The following IQGAP2 variants were observed in gnomAD, a reference collection of about 807,000 sequenced individuals.
IQGAP2 encodes the protein IQ motif containing GTPase activating protein 2, also known as ras GTPase-activating-like protein IQGAP2.
Under a neutral mutation model 201.3 loss-of-function variants are expected in IQGAP2, and 173 were observed. The observed-to-expected ratio is 0.86, with a 90% CI of 0.76 to 0.98. The LOEUF (loss-of-function observed/expected upper bound fraction) is 0.98. Among genes scored for constraint, IQGAP2 ranks in the 50% least tolerant of loss-of-function variants. The probability of loss-of-function intolerance (pLI) is 0.00; values close to 1 mark genes in which losing one functional copy is unlikely to be tolerated. For missense variants in IQGAP2, 1,687 were observed against 1,864.8 expected (o/e 0.90, Z 1.76); for synonymous variants, 675 against 673.9 (o/e 1.00, Z -0.03).
chr5:76,475,686 G>C (rs1416794496), intron 2 of IQGAP2, among the ~76,000 whole-genome samples: 1 of 152,012 alleles, frequency 6.6e-6, no homozygotes, highest in Non-Finnish European at 1.5e-5. Flanking sequence ...TTCCTTTTCT[G>C]CCCCCCTCCC....
intron 8 of IQGAP2, among the ~76,000 whole-genome samples, chr5:76,590,822 C>G (rs560524139): frequency 6.6e-6 from 1 of 152,300 alleles, no homozygotes; most frequent in South Asian, 2.1e-4. Context: ...CATGGTGGCT[C>G]ATGCCTATAA....
intron 1 of IQGAP2, among the ~76,000 whole-genome samples, chr5:76,418,281 ATCTT>A (rs1034023693): frequency 3.3e-5 from 5 of 151,252 alleles, no homozygotes; most frequent in African/African-American, 1.2e-4. Context: ...TGGTAGCACT[ATCTT>A]TGAGACGTAA....
chr5:76,666,184 C>T (rs1046644106), intron 22 of IQGAP2, among the ~76,000 whole-genome samples: 1 of 152,208 alleles, frequency 6.6e-6, no homozygotes, highest in African/African-American at 2.4e-5. Context: ...AACATACGAA[C>T]ATCTTCACAC....
intron 2 of IQGAP2, among the ~76,000 whole-genome samples, chr5:76,486,829 A>G (rs984225306): frequency 6.6e-6 from 1 of 152,140 alleles, no homozygotes; most frequent in Admixed American, 6.5e-5. Context: ...GCTCAGTTAT[A>G]AGTAATAAGT....
At chr5:76,431,936 A>C (rs561454775) in intron 1 of IQGAP2, among the ~76,000 whole-genome samples, 1 of 151,616 alleles carries the variant, frequency 6.6e-6, no homozygotes, top group Non-Finnish European at 1.5e-5. Context: ...TGATCTTTTT[A>C]TAATGGTTTT....
chr5:76,676,101 A>T (rs1744792269), intron 27 of IQGAP2, among the ~76,000 whole-genome samples: 1 of 151,598 alleles, frequency 6.6e-6, no homozygotes. Flanking sequence ...ACACACACAC[A>T]CACACACACA....
In IQGAP2 at chr5:76,641,102, A is replaced by C; in HGVS notation, c.2093A>C (p.Gln698Pro). 1 of 1,590,486 alleles carries C rather than the reference A, an allele frequency of 6.3e-7. No homozygotes were observed. The highest frequency in any genetic ancestry group is 8.6e-7 in the Non-Finnish European group (1 of 1,161,688). ...HEQEENVVKI[Q>P]AFWKGYKQRK... ...CAAGAAGAGAATGTGGTCAAAATAC[A>C]GGTATGTGGATCACCTGCCACTGTT... is the stretch of plus-strand genomic sequence containing the variant. Residue 698 changes from glutamine to proline, a missense_variant and splice_region_variant, in exon 17 of 36, where the codon CAG (glutamine) becomes CCG (proline). Gln to Pro is a moderately conservative substitution (Grantham distance 76). Coordinates refer to ENST00000274364, the MANE Select transcript of IQGAP2 (RefSeq NM_006633.5).
intron 22 of IQGAP2, among the ~76,000 whole-genome samples, chr5:76,667,734 A>G (rs897605812): frequency 2.8e-4 from 42 of 152,288 alleles, no homozygotes; most frequent in African/African-American, 1.0e-3. Context: ...CACTCTGTGT[A>G]GAACATTGTG....
intron 3 of IQGAP2, among the ~76,000 whole-genome samples, chr5:76,567,188 C>T (rs181302870): frequency 6.6e-6 from 1 of 152,174 alleles, no homozygotes; most frequent in Non-Finnish European, 1.5e-5. Context: ...GCTCTCTGAG[C>T]CTCAGTTTCC....
chr5:76,555,608 C>T (rs1049062949), intron 2 of IQGAP2, among the ~76,000 whole-genome samples: 13 of 152,188 alleles, frequency 8.5e-5, no homozygotes, highest in Admixed American at 5.9e-4. Flanking sequence ...CCCCTGAAAC[C>T]GAGGCTGGCA....
chr5:76,623,267 A>G lies in IQGAP2; in HGVS notation c.1522-4143A>G, dbSNP rs550954885. 7 of 1,608,960 alleles carry G rather than the reference A, an allele frequency of 4.4e-6. No homozygotes were observed. The South Asian group carries it at 7.7e-5, about 18-fold the overall frequency. On this transcript the variant is annotated intron_variant, in intron 13 of 35. Coordinates refer to ENST00000274364, the MANE Select transcript of IQGAP2 (RefSeq NM_006633.5). ...GAGTCCCGTCTCTTAAACGTTATGAAATCTGTAAAATCATGGAGCACAATT... is the reference window on the plus strand; with the variant it reads ...GAGTCCCGTCTCTTAAACGTTATGAGATCTGTAAAATCATGGAGCACAATT...
intron 23 of IQGAP2, 68 bp from the exon 24 acceptor site, chr5:76,671,689 GAA>G (rs34357630): frequency 0.15 from 115,726 of 788,958 alleles, 46 homozygotes; most frequent in South Asian, 0.17. Context: ...CTGTCTCGGG[GAA>G]AAAAAAAAAA....
chr5:76,403,729 G>C lies in IQGAP2; in HGVS notation c.46+138G>C. The C allele has an allele frequency of 1.5e-6, 1 of 646,152 alleles. No homozygotes were observed. The highest frequency in any genetic ancestry group is 2.6e-5 in the South Asian group (1 of 38,640). 40.0% of individuals were successfully genotyped at this position (646,152 alleles called of 1,614,324 possible). Reference sequence around the variant, plus strand: ...CAGCAACTGCGCGGCTGGCAAAGTTGGGAGCTGGAGTTGCAAAGGGCAGTG... The same window carrying C: ...CAGCAACTGCGCGGCTGGCAAAGTTCGGAGCTGGAGTTGCAAAGGGCAGTG... On this transcript the variant is annotated intron_variant, in intron 1 of 35. Coordinates refer to ENST00000274364, the MANE Select transcript of IQGAP2 (RefSeq NM_006633.5). This position sits in a 1 kb window ranked among gnomAD's most constrained non-coding sequence, Gnocchi z 4.8.
chr5:76,411,259 G>A (rs1413368003), intron 1 of IQGAP2, among the ~76,000 whole-genome samples: 1 of 152,202 alleles, frequency 6.6e-6, no homozygotes, highest in East Asian at 1.9e-4. Flanking sequence ...AAACACATGG[G>A]TATGTTATGG....
At chr5:76,586,764 G>C (rs866646625) in intron 5 of IQGAP2, among the ~76,000 whole-genome samples, 10 of 152,350 alleles carry the variant, frequency 6.6e-5, no homozygotes, top group Middle Eastern at 3.4e-3. Context: ...AGCTGGGATA[G>C]CCAGCATGCT....
rs1237209665 is a variant in IQGAP2, at chr5:76,484,063, A to T, written c.146+22394A>T. ...TTGAGGGCGGAGACTCTCATTGTTC[A>T]TTTTTTTTTTTCCTGTCCAGCAGGT... On this transcript the variant is annotated intron_variant, in intron 2 of 35. Coordinates refer to ENST00000274364, the MANE Select transcript of IQGAP2 (RefSeq NM_006633.5). Among the ~76,000 whole-genome samples the T allele has an allele frequency of 1.1e-4, 16 of 144,844 alleles. No individual in the cohort carries two copies. The East Asian group carries it at 1.2e-3, about 11-fold the overall frequency.
chr5:76,417,602 A>C (rs1360576062), intron 1 of IQGAP2, among the ~76,000 whole-genome samples: 1 of 150,080 alleles, frequency 6.7e-6, no homozygotes, highest in Non-Finnish European at 1.5e-5. Context: ...TTATTTTTTG[A>C]GACAGGGTCT....
rs138522687 is a variant in IQGAP2, at chr5:76,591,731, GTTC to G, written c.820-1100_820-1098del. On this transcript the variant is annotated intron_variant, in intron 8 of 35. Coordinates refer to ENST00000274364, the MANE Select transcript of IQGAP2 (RefSeq NM_006633.5). Reference sequence around the variant, plus strand: ...AGGTCTGACATGGAATCCCTTCTCTGTTCTTCTTCCATTGAGCTCATCCACTTG... The same window carrying G: ...AGGTCTGACATGGAATCCCTTCTCTGTTCTTCCATTGAGCTCATCCACTTG... Among the ~76,000 whole-genome samples, 192 of 152,220 alleles carry G rather than the reference GTTC, an allele frequency of 1.3e-3. 2 individuals carry two copies. The highest frequency in any genetic ancestry group is 4.4e-3 in the African/African-American group (184 of 41,550).
intron 1 of IQGAP2, among the ~76,000 whole-genome samples, chr5:76,432,115 ATCTT>A (rs886650738): frequency 4.9e-5 from 4 of 81,482 alleles, no homozygotes; most frequent in African/African-American, 1.7e-4. Context: ...GAATTGACTG[ATCTT>A]TCTTTCTTCT....
Sources: gnomAD v4.1 joint callset for allele counts (sites outside exome capture counted in the v4.1 genomes callset) on GRCh38, gnomAD v4.1.1 for gene constraint, Gnocchi (gnomAD v3.1) non-coding constraint, MANE v1.5 for transcripts, NCBI Gene and HGNC (gene_info 2026-07-23, HGNC 2026-07-21) for gene names.